Variants in STARD3NL observed in about 807,000 individuals in gnomAD.
STARD3NL encodes the protein STARD3 N-terminal-like protein.
Under a neutral mutation model 30.9 loss-of-function variants are expected in STARD3NL, and 17 were observed. That is an observed-to-expected ratio of 0.55 (90% CI 0.38 to 0.82). The LOEUF (loss-of-function observed/expected upper bound fraction) is 0.82, where lower values mean the gene tolerates loss of function less well. Ranked by LOEUF, STARD3NL falls within the 40% of genes least tolerant of loss-of-function variation. STARD3NL has a pLI of 0.00. For missense variants in STARD3NL, 234 were observed against 277.6 expected, an observed-to-expected ratio of 0.84 and a Z score of 1.12; for synonymous variants, 112 against 100.5, an observed-to-expected ratio of 1.11 and a Z score of -0.69.
intron 1 of STARD3NL, among the ~76,000 whole-genome samples, chr7:38,201,018 A>G (rs1311109861): frequency 1.3e-5 from 2 of 152,080 alleles, no homozygotes; most frequent in African/African-American, 4.8e-5. Context: ...AATTAATTCT[A>G]GAAGTCTGAA....
rs969825917 is a variant in STARD3NL, at chr7:38,207,334, A to G, written c.-58-113A>G. On this transcript the variant is annotated intron_variant, in intron 1 of 8. Transcript: ENST00000009041. ...TTATGTCTTCATGAAAACATAAATC[A>G]GTCAAGGTACTCTGTTGTTCAGTTA... The G allele has an allele frequency of 1.5e-5, 9 of 593,574 alleles. No homozygotes were observed. In the African/African-American group the frequency reaches 1.7e-4, roughly 11 times the overall value. 36.8% of individuals were successfully genotyped at this position (593,574 alleles called of 1,614,324 possible).
At chr7:38,224,466 G>A (rs1786642209) in intron 7 of STARD3NL, among the ~76,000 whole-genome samples, 1 of 152,086 alleles carries the variant, frequency 6.6e-6, no homozygotes, top group African/African-American at 2.4e-5. Context: ...ACTTACCTGA[G>A]GTCAATTGAG....
At chr7:38,189,065 A>G (rs1784576746) in intron 1 of STARD3NL, among the ~76,000 whole-genome samples, 1 of 152,216 alleles carries the variant, frequency 6.6e-6, no homozygotes, top group Admixed American at 6.5e-5. Context: ...AATAGAAATC[A>G]TTGAATGAGA....
chr7:38,228,061 T>C (rs1189522800), intron 7 of STARD3NL, among the ~76,000 whole-genome samples: 1 of 152,212 alleles, frequency 6.6e-6, no homozygotes, highest in Non-Finnish European at 1.5e-5. Flanking sequence ...TTTAAAGTTT[T>C]ATTTGCTATA....
At chr7:38,179,653 CTT>C (rs1273801528) in intron 1 of STARD3NL, among the ~76,000 whole-genome samples, 1 of 152,172 alleles carries the variant, frequency 6.6e-6, no homozygotes, top group African/African-American at 2.4e-5. Flanking sequence ...CCCTCAAAGA[CTT>C]TAACTTTTGT....
At chr7:38,203,126 C>A (rs1226986496) in intron 1 of STARD3NL, among the ~76,000 whole-genome samples, 1 of 152,132 alleles carries the variant, frequency 6.6e-6, no homozygotes, top group African/African-American at 2.4e-5. Context: ...TCAGGAAATA[C>A]AGAGAATGCC....
At chr7:38,212,467 G>A (rs1785863628) in intron 2 of STARD3NL, among the ~76,000 whole-genome samples, 1 of 152,082 alleles carries the variant, frequency 6.6e-6, no homozygotes, top group African/African-American at 2.4e-5. Flanking sequence ...TGTCTGTGTA[G>A]CATTTGTTTT....
intron 7 of STARD3NL, among the ~76,000 whole-genome samples, chr7:38,221,049 A>G (rs758749790): frequency 3.0e-4 from 46 of 152,202 alleles, no homozygotes; most frequent in Non-Finnish European, 4.6e-4. Context: ...CCAGACACAA[A>G]AGGACTGTCG....
intron 1 of STARD3NL, among the ~76,000 whole-genome samples, chr7:38,184,707 T>C (rs1784389734): frequency 6.8e-6 from 1 of 146,464 alleles, no homozygotes; most frequent in Non-Finnish European, 1.5e-5. Flanking sequence ...TAGTATATAA[T>C]ATATATATAA....
At chr7:38,214,462 A>T (rs1269414036) in intron 3 of STARD3NL, 28 bp downstream of exon 3, 1 of 1,472,496 alleles carries the variant, frequency 6.8e-7, no homozygotes, top group Admixed American at 1.8e-5. Flanking sequence ...TTCATTTCAG[A>T]TGTGATAAAA....
chr7:38,200,887 T>C (rs1785143817), intron 1 of STARD3NL, among the ~76,000 whole-genome samples: 1 of 152,222 alleles, frequency 6.6e-6, no homozygotes. Context: ...GTAAGGGAGA[T>C]AGAAGACAAA....
At chr7:38,214,986 G>T (rs1292249161) in intron 3 of STARD3NL, 42 bp from the exon 4 acceptor site, 3 of 1,553,922 alleles carry the variant, frequency 1.9e-6, no homozygotes, top group South Asian at 2.3e-5. Context: ...TGTCATTTTT[G>T]TATATATTTT....
chr7:38,188,282 C>T (rs1205237073), intron 1 of STARD3NL, among the ~76,000 whole-genome samples: 1 of 152,198 alleles, frequency 6.6e-6, no homozygotes, highest in East Asian at 1.9e-4. Context: ...GGCCACCTGG[C>T]TGCACTCCTC....
At chr7:38,187,906 G>C (rs542929270) in intron 1 of STARD3NL, among the ~76,000 whole-genome samples, 1 of 152,176 alleles carries the variant, frequency 6.6e-6, no homozygotes, top group South Asian at 2.1e-4. Flanking sequence ...TTCTGTTTTA[G>C]TCCTCATTTT....
At chr7:38,218,332 A>T (rs1434770476) in intron 6 of STARD3NL, among the ~76,000 whole-genome samples, 1 of 152,266 alleles carries the variant, frequency 6.6e-6, no homozygotes, top group African/African-American at 2.4e-5. Flanking sequence ...TCATTTACAT[A>T]GAAGAAATAT....
intron 2 of STARD3NL, among the ~76,000 whole-genome samples, chr7:38,209,486 G>A (rs1305002963): frequency 1.3e-5 from 2 of 151,974 alleles, no homozygotes; most frequent in African/African-American, 2.4e-5. Flanking sequence ...GGGTTTCACC[G>A]TGTTGGCCAC....
chr7:38,187,983 T>A (rs1784532098), intron 1 of STARD3NL, among the ~76,000 whole-genome samples: 1 of 152,196 alleles, frequency 6.6e-6, no homozygotes, highest in Admixed American at 6.5e-5. Context: ...CAATCTATTC[T>A]CATCCCCTCT....
At chr7:38,198,372 G>T (rs1293112625) in intron 1 of STARD3NL, 1 of 152,182 alleles carries the variant, frequency 6.6e-6, no homozygotes, top group Non-Finnish European at 1.5e-5. Flanking sequence ...CATGGTAAGA[G>T]AATGCAGACC....
chr7:38,181,326 CTG>C (rs1236739038), intron 1 of STARD3NL, among the ~76,000 whole-genome samples: 1 of 152,126 alleles, frequency 6.6e-6, no homozygotes, highest in Non-Finnish European at 1.5e-5. Context: ...GAGTTTCTTC[CTG>C]TTATTGAGGA....
Sources: gnomAD v4.1 joint callset for allele counts (sites outside exome capture counted in the v4.1 genomes callset) on GRCh38, gnomAD v4.1.1 for gene constraint, MANE v1.5 for transcripts, NCBI Gene and HGNC (gene_info 2026-07-23, HGNC 2026-07-21) for gene names.